ST6GALNAC3: variants seen among roughly 807,000 people sequenced by gnomAD.
The protein encoded by ST6GALNAC3 is alpha-N-acetylgalactosaminide alpha-2,6-sialyltransferase 3.
ST6GALNAC3 carries 25 observed loss-of-function variants against 32.7 expected under a neutral mutation model. That is an observed-to-expected ratio of 0.76 (90% CI 0.56 to 1.07). The LOEUF (loss-of-function observed/expected upper bound fraction) is 1.07, where lower values mean the gene tolerates loss of function less well. Among genes scored for constraint, ST6GALNAC3 ranks in the 50% least tolerant of loss-of-function variants. ST6GALNAC3 has a pLI of 0.00. For missense variants in ST6GALNAC3, 355 were observed against 382.4 expected (o/e 0.93, Z 0.60); for synonymous variants, 129 against 133.1 (o/e 0.97, Z 0.21).
chr1:76,476,671 A>G (rs912476664), intron 3 of ST6GALNAC3, among the ~76,000 whole-genome samples: 1 of 152,174 alleles, frequency 6.6e-6, no homozygotes, highest in Non-Finnish European at 1.5e-5. Context: ...TGTGCTTTGC[A>G]GAATTTTTTT....
At chr1:76,413,726 A>T (rs1483487161) in intron 3 of ST6GALNAC3, among the ~76,000 whole-genome samples, 1 of 152,116 alleles carries the variant, frequency 6.6e-6, no homozygotes, top group East Asian at 1.9e-4. Context: ...CAAGGGTGAG[A>T]TTTGAATCAA....
At chr1:76,334,670 G>C (rs538793445) in intron 2 of ST6GALNAC3, among the ~76,000 whole-genome samples, 2 of 152,314 alleles carry the variant, frequency 1.3e-5, no homozygotes, top group South Asian at 4.1e-4. Flanking sequence ...ATAAGTTACA[G>C]TGATTCTTCC....
At chr1:76,608,308 C>A (rs1351439763) in intron 3 of ST6GALNAC3, among the ~76,000 whole-genome samples, 1 of 151,970 alleles carries the variant, frequency 6.6e-6, no homozygotes, top group African/African-American at 2.4e-5. Context: ...TTTATTGAGC[C>A]TCTATTATAT....
intron 1 of ST6GALNAC3, among the ~76,000 whole-genome samples, chr1:76,227,125 G>T (rs1274221590): frequency 1.3e-5 from 2 of 152,184 alleles, no homozygotes; most frequent in Admixed American, 6.5e-5. Flanking sequence ...AAATGGACAG[G>T]TAAATCCAAG....
intron 2 of ST6GALNAC3, among the ~76,000 whole-genome samples, chr1:76,400,664 A>G (rs1653339487): frequency 6.6e-6 from 1 of 152,150 alleles, no homozygotes; most frequent in Non-Finnish European, 1.5e-5. Context: ...AGGCAGGCAG[A>G]TCACCTGAGG....
intron 1 of ST6GALNAC3, 88 bp downstream of exon 1, chr1:76,074,972 C>A: frequency 6.7e-7 from 1 of 1,489,196 alleles, no homozygotes; most frequent in Non-Finnish European, 9.1e-7. Context: ...CCCACCGCAT[C>A]CTCATCTCAG....
intron 1 of ST6GALNAC3, among the ~76,000 whole-genome samples, chr1:76,103,090 C>G (rs1647296694): frequency 1.4e-5 from 2 of 147,598 alleles, no homozygotes; most frequent in Admixed American, 1.3e-4. Context: ...CTTTTTCACC[C>G]TTATGCTGAT....
intron 3 of ST6GALNAC3, among the ~76,000 whole-genome samples, chr1:76,597,008 G>A (rs1213081425): frequency 6.6e-6 from 1 of 152,096 alleles, no homozygotes; most frequent in Non-Finnish European, 1.5e-5. Flanking sequence ...TAGCATAAAA[G>A]ATTTCTGGGG....
intron 2 of ST6GALNAC3, among the ~76,000 whole-genome samples, chr1:76,400,439 C>T (rs1250438306): frequency 1.3e-5 from 2 of 152,092 alleles, no homozygotes; most frequent in African/African-American, 4.8e-5. Context: ...TAACAGCCAA[C>T]AGACAAACTA....
At chr1:76,593,451 G>A (rs576435783) in intron 3 of ST6GALNAC3, among the ~76,000 whole-genome samples, 19 of 152,266 alleles carry the variant, frequency 1.2e-4, no homozygotes, top group African/African-American at 4.1e-4. Context: ...GTGAACCCTT[G>A]GAAATAAGCA....
chr1:76,370,715 A>C (rs1329404709), intron 2 of ST6GALNAC3, among the ~76,000 whole-genome samples: 3 of 152,198 alleles, frequency 2.0e-5, no homozygotes, highest in African/African-American at 7.2e-5. Context: ...AATGTTTTAC[A>C]TAGAGAAACT....
chr1:76,361,170 A>C (rs1649903345), intron 2 of ST6GALNAC3, among the ~76,000 whole-genome samples: 1 of 152,204 alleles, frequency 6.6e-6, no homozygotes. Context: ...ATAGATCTTC[A>C]GAAGTTTTTT....
At chr1:76,442,756 C>G (rs1025954535) in intron 3 of ST6GALNAC3, among the ~76,000 whole-genome samples, 1 of 152,030 alleles carries the variant, frequency 6.6e-6, no homozygotes, top group South Asian at 2.1e-4. Flanking sequence ...CTTTTAGGAC[C>G]CCTCCTTTGG....
chr1:76,466,182 A>G (rs1357769979), intron 3 of ST6GALNAC3, among the ~76,000 whole-genome samples: 2 of 152,118 alleles, frequency 1.3e-5, no homozygotes, highest in Non-Finnish European at 2.9e-5. Flanking sequence ...TCAGTTTCAA[A>G]TAGTTGGGTT....
chr1:76,525,789 G>GTATATA lies in ST6GALNAC3; in HGVS notation c.624-101662_624-101661insATATAT, dbSNP rs1475642074. 3.1e-3 allele frequency among the ~76,000 whole-genome samples: 183 copies of GTATATA among 58,874 alleles called. 1 individual carries two copies. Among genetic ancestry groups the GTATATA allele is most frequent in the Non-Finnish European group, 5.8e-3 (153 of 26,546 alleles). 38.6% of individuals were successfully genotyped at this position (58,874 alleles called of 152,430 possible). A position where few individuals can be genotyped will look rare whatever the true frequency, so the allele number is the denominator to read the frequency against. On this transcript the variant is annotated intron_variant, in intron 3 of 4. Transcript: ENST00000328299. The stretch of plus-strand genomic sequence containing the variant: ...TGTGTGTTTGTGTGTGTGTGTGTGT[G>GTATATA]TGTATATATATATATATATATATAT...
intron 3 of ST6GALNAC3, among the ~76,000 whole-genome samples, chr1:76,501,047 A>G (rs1661147730): frequency 6.6e-6 from 1 of 152,212 alleles, no homozygotes; most frequent in South Asian, 2.1e-4. Flanking sequence ...AGGAGGAGGA[A>G]GACTGGAATG....
chr1:76,478,964 T>C (rs551709547), intron 3 of ST6GALNAC3, among the ~76,000 whole-genome samples: 133 of 151,824 alleles, frequency 8.8e-4, no homozygotes, highest in East Asian at 2.7e-3. Flanking sequence ...GGGGTTTCAC[T>C]GTGTTAGACA....
intron 1 of ST6GALNAC3, among the ~76,000 whole-genome samples, chr1:76,194,998 C>A (rs766596890): frequency 6.6e-6 from 1 of 152,134 alleles, no homozygotes; most frequent in Admixed American, 6.6e-5. Context: ...GAGATGTTGA[C>A]ACATTTCATT....
chr1:76,331,780 T>C (rs1322222212), intron 2 of ST6GALNAC3, among the ~76,000 whole-genome samples: 1 of 152,192 alleles, frequency 6.6e-6, no homozygotes. Context: ...GGGAAACAAA[T>C]ATTAATGTAA....
Sources: gnomAD v4.1 joint callset for allele counts (sites outside exome capture counted in the v4.1 genomes callset) on GRCh38, gnomAD v4.1.1 for gene constraint, MANE v1.5 for transcripts, NCBI Gene and HGNC (gene_info 2026-07-23, HGNC 2026-07-21) for gene names.